RB1: variants seen among roughly 807,000 people sequenced by gnomAD.
RB1 encodes retinoblastoma-associated protein.
RB1 carries 18 observed loss-of-function variants against 135.4 expected under a neutral mutation model. The observed-to-expected ratio is 0.13, with a 90% CI of 0.09 to 0.20. RB1 has a LOEUF of 0.20. RB1 is among the 10% of genes least tolerant of loss of function. The pLI, the probability that RB1 is intolerant of heterozygous loss-of-function variation, is 1.00. For missense variants in RB1, 868 were observed against 1,110.0 expected (o/e 0.78, Z 3.10); for synonymous variants, 365 against 373.2 (o/e 0.98, Z 0.25).
chr13:48,312,947 T>C (rs1447449793), intron 2 of RB1, among the ~76,000 whole-genome samples: 1 of 152,196 alleles, frequency 6.6e-6, no homozygotes. Context: ...GTAGCCTCCA[T>C]TGTAACACCC....
chr13:48,459,190 C>T (rs1949380253), intron 19 of RB1, among the ~76,000 whole-genome samples: 1 of 152,062 alleles, frequency 6.6e-6, no homozygotes, highest in Non-Finnish European at 1.5e-5. Context: ...CTTATATGTA[C>T]CTAGAAATGT....
chr13:48,318,864 A>G, intron 2 of RB1: 4 of 1,119,484 alleles, frequency 3.6e-6, no homozygotes, highest in Middle Eastern at 3.0e-4. Context: ...CTTGAGGGTC[A>G]AAACGTCTGG....
intron 17 of RB1, among the ~76,000 whole-genome samples, chr13:48,402,278 G>A (rs531406352): frequency 5.9e-5 from 9 of 151,850 alleles, no homozygotes; most frequent in East Asian, 5.8e-4. Context: ...ATATTTTAAC[G>A]GGGTCTTCTG....
chr13:48,321,082 G>A (rs1274278191), intron 2 of RB1, among the ~76,000 whole-genome samples: 1 of 152,098 alleles, frequency 6.6e-6, no homozygotes, highest in Non-Finnish European at 1.5e-5. Context: ...TCCTCTCTCT[G>A]CTTTTTAAAT....
At chr13:48,329,116 A>G (rs1952312592) in intron 2 of RB1, among the ~76,000 whole-genome samples, 1 of 152,186 alleles carries the variant, frequency 6.6e-6, no homozygotes, top group Non-Finnish European at 1.5e-5. Context: ...AGACCTAGAT[A>G]TTTAGCAGAG....
chr13:48,376,853 G>A (rs1952829651), intron 12 of RB1, 65 bp from the exon 13 acceptor site: 6 of 1,605,390 alleles, frequency 3.7e-6, no homozygotes, highest in Admixed American at 1.7e-5. Context: ...ATATTATGGA[G>A]CAGAAAATAT....
At chr13:48,464,887 A>G in intron 21 of RB1, 111 bp from the exon 22 acceptor site, 2 of 1,223,016 alleles carry the variant, frequency 1.6e-6, no homozygotes, top group Non-Finnish European at 2.2e-6. Flanking sequence ...CCAGTCAAAA[A>G]GTATTATAAA....
chr13:48,318,040 TG>T, intron 2 of RB1: 3 of 525,224 alleles, frequency 5.7e-6, no homozygotes, highest in Non-Finnish European at 7.2e-6. Flanking sequence ...GGCTGGGAGC[TG>T]GGCCCTGGCA....
At chr13:48,433,937 T>C (rs1949157288) in intron 17 of RB1, among the ~76,000 whole-genome samples, 1 of 151,868 alleles carries the variant, frequency 6.6e-6, no homozygotes, top group South Asian at 2.1e-4. Context: ...TTGCCCAGGC[T>C]GGTCTTGAAC....
intron 8 of RB1, among the ~76,000 whole-genome samples, 163 bp downstream of exon 8, chr13:48,363,120 A>G (rs1952658606): frequency 6.6e-6 from 1 of 152,108 alleles, no homozygotes; most frequent in Non-Finnish European, 1.5e-5. Flanking sequence ...CGTTATATTT[A>G]GTTACTTTGA....
At chr13:48,475,787 A>G (rs1036957357) in intron 24 of RB1, among the ~76,000 whole-genome samples, 2 of 152,202 alleles carry the variant, frequency 1.3e-5, no homozygotes, top group African/African-American at 4.8e-5. Context: ...GTAAAAGTTT[A>G]TATGCCAGAT....
chr13:48,365,490 G>A lies in RB1; in HGVS notation c.939+519G>A, dbSNP rs554113200. Reference sequence around the variant, plus strand: ...TTAGTGATATTCCATCCATCTACCTGTTTTGTTTCGCATTTTGCTACAAAT... The same window carrying A: ...TTAGTGATATTCCATCCATCTACCTATTTTGTTTCGCATTTTGCTACAAAT... On this transcript the variant is annotated intron_variant, in intron 9 of 26. Coordinates refer to ENST00000267163, the MANE Select transcript of RB1 (RefSeq NM_000321.3). Among the ~76,000 whole-genome samples the A allele has an allele frequency of 3.4e-4, 52 of 152,260 alleles. No individual in the cohort carries two copies. The South Asian group carries it at 0.011, about 32-fold the overall frequency.
intron 2 of RB1, among the ~76,000 whole-genome samples, chr13:48,315,764 A>G (rs1246147056): frequency 6.6e-6 from 1 of 152,230 alleles, no homozygotes; most frequent in Non-Finnish European, 1.5e-5. Context: ...TGGGCACTTC[A>G]GTTGATTCCA....
At chr13:48,380,006 T>G (rs1306206910) in intron 14 of RB1, 47 bp from the exon 15 acceptor site, 2 of 1,155,766 alleles carry the variant, frequency 1.7e-6, no homozygotes, top group East Asian at 3.0e-5. Context: ...ACAAATAAGG[T>G]TTCAATTAAA....
In RB1 at chr13:48,377,298, A is replaced by T. The variant is rs575247597; in HGVS notation, c.1332+264A>T. On this transcript the variant is annotated intron_variant, in intron 13 of 26. Coordinates refer to ENST00000267163, the MANE Select transcript of RB1 (RefSeq NM_000321.3). ...AAAATACAACTAAGAAAAAAATTGA[A>T]ATCTTTGATATTAAATTTTTGATTT... Among the ~76,000 whole-genome samples the T allele has an allele frequency of 4.6e-5, 7 of 152,298 alleles. No homozygotes were observed. In the East Asian group the frequency reaches 1.3e-3, roughly 29 times the overall value.
In RB1 at chr13:48,347,869, T is replaced by G; in HGVS notation, c.539+6T>G. On this transcript the variant is annotated splice_donor_region_variant and intron_variant, in intron 5 of 26. Coordinates refer to ENST00000267163, the MANE Select transcript of RB1 (RefSeq NM_000321.3). ...TTGACACAACCCAGCAGTTCGTAAGTAGTTCACAGAATGTTATTTTTCACT... is the reference window on the plus strand; with the variant it reads ...TTGACACAACCCAGCAGTTCGTAAGGAGTTCACAGAATGTTATTTTTCACT... The G allele has an allele frequency of 6.3e-7, 1 of 1,577,602 alleles. No individual in the cohort carries two copies. The highest frequency in any genetic ancestry group is 1.3e-5 in the African/African-American group (1 of 74,160).
At chr13:48,383,160 G>A (rs894025622) in intron 17 of RB1, among the ~76,000 whole-genome samples, 2 of 152,008 alleles carry the variant, frequency 1.3e-5, no homozygotes, top group African/African-American at 2.4e-5. Context: ...TTATTAAAAA[G>A]TGCATTTTTT....
intron 17 of RB1, chr13:48,445,073 C>T (rs960957310): frequency 2.6e-5 from 4 of 151,988 alleles, no homozygotes; most frequent in African/African-American, 7.3e-5. Flanking sequence ...CTGTCTGGAG[C>T]TGTGCCTACA....
chr13:48,339,207 C>T (rs1390234092), intron 2 of RB1, among the ~76,000 whole-genome samples: 2 of 152,202 alleles, frequency 1.3e-5, no homozygotes, highest in East Asian at 1.9e-4. Flanking sequence ...AGCTGTCAGA[C>T]AGGGACATTT....
Sources: gnomAD v4.1 joint callset for allele counts (sites outside exome capture counted in the v4.1 genomes callset) on GRCh38, gnomAD v4.1.1 for gene constraint, MANE v1.5 for transcripts, NCBI Gene and HGNC (gene_info 2026-07-23, HGNC 2026-07-21) for gene names.